CACNA2D3: variants seen among roughly 807,000 people sequenced by gnomAD.
CACNA2D3 encodes the protein calcium voltage-gated channel auxiliary subunit alpha2delta 3, also known as voltage-dependent calcium channel subunit alpha-2/delta-3.
CACNA2D3 carries 60 observed loss-of-function variants against 160.6 expected under a neutral mutation model. The ratio of observed to expected loss-of-function variants is 0.37; its 90% CI spans 0.30 to 0.46. The LOEUF is 0.46. Ranked by LOEUF, CACNA2D3 falls within the 20% of genes least tolerant of loss-of-function variation. The pLI, the probability that CACNA2D3 is intolerant of heterozygous loss-of-function variation, is 1.00. For missense variants in CACNA2D3, 1,205 were observed against 1,365.0 expected, an observed-to-expected ratio of 0.88 and a Z score of 1.85; for synonymous variants, 558 against 492.9, an observed-to-expected ratio of 1.13 and a Z score of -1.75.
At position 54,956,044 on chromosome 3, in the gene CACNA2D3, C is replaced by T. The variant is rs116237254; in HGVS notation, c.2450-12406C>T. 5.1e-3 allele frequency among the ~76,000 whole-genome samples: 771 copies of T among 152,304 alleles called. 9 individuals are homozygous for T. The highest frequency in any genetic ancestry group is 0.017 in the African/African-American group (726 of 41,536). Reference sequence around the variant, plus strand: ...CGTGATTACTCCAGAGTGCCGTCCGCCCCTCCTTAATGTTTCCCTGTCTCC... The same window carrying T: ...CGTGATTACTCCAGAGTGCCGTCCGTCCCTCCTTAATGTTTCCCTGTCTCC... On this transcript the variant is annotated intron_variant, in intron 27 of 37. Transcript: ENST00000474759.
chr3:54,854,850 G>T (rs1432176737), intron 17 of CACNA2D3, among the ~76,000 whole-genome samples: 1 of 152,102 alleles, frequency 6.6e-6, no homozygotes, highest in Non-Finnish European at 1.5e-5. Flanking sequence ...AGTAAATTCG[G>T]GTCAGTCTTC....
intron 23 of CACNA2D3, among the ~76,000 whole-genome samples, chr3:54,887,036 T>G (rs1699943449): frequency 6.7e-6 from 1 of 149,096 alleles, no homozygotes; most frequent in Non-Finnish European, 1.5e-5. Flanking sequence ...CTAGGATGCC[T>G]CTCCTAGACT....
chr3:54,445,068 A>G (rs566523923), intron 4 of CACNA2D3, among the ~76,000 whole-genome samples: 1 of 152,326 alleles, frequency 6.6e-6, no homozygotes, highest in South Asian at 2.1e-4. Flanking sequence ...CACCTGTAAC[A>G]GGCAGGTAGC....
intron 2 of CACNA2D3, among the ~76,000 whole-genome samples, chr3:54,185,354 T>G (rs1700861836): frequency 6.6e-6 from 1 of 152,204 alleles, no homozygotes; most frequent in South Asian, 2.1e-4. Flanking sequence ...GAAATTCTAC[T>G]TTAATTTTTT....
At chr3:54,380,484 A>T (rs1225810492) in intron 3 of CACNA2D3, among the ~76,000 whole-genome samples, 1 of 152,232 alleles carries the variant, frequency 6.6e-6, no homozygotes, top group Non-Finnish European at 1.5e-5. Context: ...CACATCTGTG[A>T]TCCCAGCACT....
intron 2 of CACNA2D3, among the ~76,000 whole-genome samples, chr3:54,172,684 CAT>C (rs1230629147): frequency 3.3e-5 from 5 of 152,206 alleles, no homozygotes; most frequent in Non-Finnish European, 7.3e-5. Flanking sequence ...CTGCCCATTT[CAT>C]ATGATTCAAC....
intron 3 of CACNA2D3, among the ~76,000 whole-genome samples, chr3:54,384,727 G>T (rs1055450855): frequency 1.3e-5 from 2 of 151,978 alleles, no homozygotes; most frequent in Non-Finnish European, 2.9e-5. Context: ...TAAGTTTTGT[G>T]TTTTGTTTTT....
intron 2 of CACNA2D3, among the ~76,000 whole-genome samples, chr3:54,130,184 C>T (rs1173119463): frequency 6.6e-6 from 1 of 152,166 alleles, no homozygotes. Context: ...GCTAAGCCTC[C>T]TGTGGGACAG....
At chr3:54,152,264 G>T (rs1486609210) in intron 2 of CACNA2D3, among the ~76,000 whole-genome samples, 1 of 152,210 alleles carries the variant, frequency 6.6e-6, no homozygotes, top group African/African-American at 2.4e-5. Flanking sequence ...CGGGGGCATT[G>T]TGCTGTGGTT....
chr3:54,362,901 A>C (rs781083036), intron 3 of CACNA2D3, among the ~76,000 whole-genome samples: 11 of 152,324 alleles, frequency 7.2e-5, no homozygotes, highest in Non-Finnish European at 1.0e-4. Context: ...ATTTATAAGA[A>C]TATTACAATG....
At chr3:54,625,365 G>A (rs1399952397) in intron 9 of CACNA2D3, among the ~76,000 whole-genome samples, 1 of 152,236 alleles carries the variant, frequency 6.6e-6, no homozygotes, top group Non-Finnish European at 1.5e-5. Context: ...AGTAGGTGTA[G>A]CTGACCTGGA....
At chr3:54,703,517 G>C (rs1199661980) in intron 11 of CACNA2D3, among the ~76,000 whole-genome samples, 3 of 152,108 alleles carry the variant, frequency 2.0e-5, no homozygotes, top group African/African-American at 4.8e-5. Context: ...TTGGACAAAA[G>C]TATTCCTGAA....
intron 14 of CACNA2D3, among the ~76,000 whole-genome samples, chr3:54,825,437 G>T (rs1174398275): frequency 1.3e-5 from 2 of 152,166 alleles, no homozygotes; most frequent in African/African-American, 4.8e-5. Flanking sequence ...CAATTCTGTA[G>T]GTCATTTTTA....
intron 5 of CACNA2D3, among the ~76,000 whole-genome samples, chr3:54,537,989 G>T (rs982003534): frequency 1.3e-5 from 2 of 152,144 alleles, no homozygotes; most frequent in Non-Finnish European, 2.9e-5. Context: ...CTGGCTGTGT[G>T]CTCTTCATTC....
chr3:54,642,250 A>C lies in CACNA2D3; in HGVS notation c.1167+9A>C. 6.4e-7 allele frequency: 1 copy of C among 1,557,868 alleles called. No individual in the cohort carries two copies. The highest frequency in any genetic ancestry group is 8.8e-7 in the Non-Finnish European group (1 of 1,133,080). On this transcript the variant is annotated intron_variant, in intron 11 of 37. Transcript: ENST00000474759. ...ATTGGCCAGATCGAAAGGTAAGTTGATGCTGATCCCGTCTGTGCGGTGGAC... is the reference window on the plus strand; with the variant it reads ...ATTGGCCAGATCGAAAGGTAAGTTGCTGCTGATCCCGTCTGTGCGGTGGAC...
At chr3:54,974,859 C>T (rs1490210012) in intron 29 of CACNA2D3, among the ~76,000 whole-genome samples, 5 of 152,156 alleles carry the variant, frequency 3.3e-5, no homozygotes, top group Non-Finnish European at 5.9e-5. Flanking sequence ...GACAGATAGA[C>T]ATCTTCTAAG....
At chr3:54,354,588 G>T (rs190655250) in intron 3 of CACNA2D3, among the ~76,000 whole-genome samples, 4 of 152,274 alleles carry the variant, frequency 2.6e-5, no homozygotes, top group African/African-American at 4.8e-5. Context: ...TTCTGTCAGT[G>T]CTCTTACTTC....
rs1396289787 is a variant in CACNA2D3, at chr3:54,529,815, AT to A, written c.544+26168del. Among the ~76,000 whole-genome samples the A allele has an allele frequency of 4.6e-5, 7 of 152,028 alleles. No individual in the cohort carries two copies. In the South Asian group the frequency reaches 6.2e-4, roughly 14 times the overall value. On this transcript the variant is annotated intron_variant, in intron 5 of 37. Coordinates refer to ENST00000474759, the MANE Select transcript of CACNA2D3 (RefSeq NM_018398.3). Reference sequence around the variant, plus strand: ...CCAGTTTGGGATGTTAAGTGATATAATTTTTTTATTGCTTTACTTTGGATAT... The same window carrying A: ...CCAGTTTGGGATGTTAAGTGATATAATTTTTTATTGCTTTACTTTGGATAT...
chr3:54,832,774 G>A (rs114529426), intron 14 of CACNA2D3, among the ~76,000 whole-genome samples: 1 of 152,278 alleles, frequency 6.6e-6, no homozygotes, highest in African/African-American at 2.4e-5. Flanking sequence ...GGCTCCTTGG[G>A]GATAAGACCC....
Sources: allele counts gnomAD v4.1 joint callset (sites outside exome capture counted in the v4.1 genomes callset), GRCh38; gene constraint gnomAD v4.1.1; transcripts MANE v1.5; gene names NCBI Gene and HGNC (gene_info 2026-07-23, HGNC 2026-07-21).